Variants in RALGPS1 observed in about 807,000 individuals in gnomAD.
RALGPS1 encodes ras-specific guanine nucleotide-releasing factor RalGPS1.
In RALGPS1, 19 loss-of-function variants were observed where a neutral mutation model predicts 78.8. The observed-to-expected ratio is 0.24, with a 90% CI of 0.17 to 0.35. RALGPS1 has a LOEUF of 0.35. Ranked by LOEUF, RALGPS1 falls within the 10% of genes least tolerant of loss-of-function variation. The probability of loss-of-function intolerance (pLI) is 1.00; values close to 1 mark genes in which losing one functional copy is unlikely to be tolerated. For synonymous variants in RALGPS1, 228 were observed against 256.3 expected, an observed-to-expected ratio of 0.89 and a Z score of 1.06; for missense variants, 454 against 688.3, an observed-to-expected ratio of 0.66 and a Z score of 3.81.
chr9:127,197,650 C>T (rs914737637), intron 13 of RALGPS1, among the ~76,000 whole-genome samples: 24 of 152,220 alleles, frequency 1.6e-4, no homozygotes, highest in African/African-American at 5.3e-4. Context: ...TGTTCTGTGT[C>T]TGCCTCTGTC....
At chr9:127,210,856 G>A (rs1456996884) in intron 14 of RALGPS1, 2 of 1,261,680 alleles carry the variant, frequency 1.6e-6, no homozygotes, top group Non-Finnish European at 2.2e-6. Context: ...CACTGTGCTA[G>A]AGGCTGCCGA....
At chr9:126,958,677 T>C (rs1447465974) in intron 1 of RALGPS1, among the ~76,000 whole-genome samples, 2 of 152,176 alleles carry the variant, frequency 1.3e-5, no homozygotes, top group African/African-American at 4.8e-5. Flanking sequence ...GTGATAAACA[T>C]TTGGAGGGTT....
rs1312848930 is a variant in RALGPS1 at position 127,116,067 on chromosome 9, T to G, written c.610+46711T>G. On this transcript the variant is annotated intron_variant, in intron 8 of 18. Coordinates refer to ENST00000259351, the MANE Select transcript of RALGPS1 (RefSeq NM_014636.3). ...ATTGAATGAACCATTTATCCATCCATCCAGCCCTCCATCACCCACCCATTT... is the reference window on the plus strand; with the variant it reads ...ATTGAATGAACCATTTATCCATCCAGCCAGCCCTCCATCACCCACCCATTT... Among the ~76,000 whole-genome samples, 4 of 152,280 alleles carry G rather than the reference T, an allele frequency of 2.6e-5. No homozygotes were observed. In the South Asian group the frequency reaches 8.3e-4, roughly 32 times the overall value.
chr9:126,973,982 C>G (rs746529577), intron 3 of RALGPS1, among the ~76,000 whole-genome samples: 1 of 152,170 alleles, frequency 6.6e-6, no homozygotes, highest in African/African-American at 2.4e-5. Flanking sequence ...AAGCAATTCT[C>G]TTGCCTCAGC....
chr9:126,941,115 G>C (rs1158175832), intron 1 of RALGPS1, among the ~76,000 whole-genome samples: 1 of 132,850 alleles, frequency 7.5e-6, no homozygotes, highest in Non-Finnish European at 1.6e-5. Flanking sequence ...TTCTCAGTGA[G>C]GACTTCTCAT....
At chr9:127,032,988 A>G (rs2046555637) in intron 4 of RALGPS1, among the ~76,000 whole-genome samples, 2 of 152,254 alleles carry the variant, frequency 1.3e-5, no homozygotes, top group Non-Finnish European at 2.9e-5. Flanking sequence ...AAACCTCTTT[A>G]TTAAAATGGA....
chr9:126,921,925 T>C (rs2119730640), intron 1 of RALGPS1, among the ~76,000 whole-genome samples: 1 of 152,312 alleles, frequency 6.6e-6, no homozygotes, highest in South Asian at 2.1e-4. Context: ...TAATGTATTG[T>C]CTGTGGAAGT....
intron 4 of RALGPS1, among the ~76,000 whole-genome samples, chr9:126,982,277 A>G (rs186559162): frequency 6.6e-6 from 1 of 152,370 alleles, no homozygotes; most frequent in East Asian, 1.9e-4. Context: ...CACAGGCCTC[A>G]GGTCAGAAGG....
rs1383602920 is a variant in RALGPS1, at chr9:127,220,466, T to A, written c.*1697T>A. On this transcript the variant is annotated 3_prime_UTR_variant, in exon 19 of 19. Transcript: ENST00000259351. Reference sequence around the variant, plus strand: ...GCCTTACAATGCTTAGTAGTTCATCTTCTTTTTGAGCAAAGACTAGAATAC... The same window carrying A: ...GCCTTACAATGCTTAGTAGTTCATCATCTTTTTGAGCAAAGACTAGAATAC... The A allele has an allele frequency of 6.6e-6, 1 of 151,408 alleles. No individual in the cohort carries two copies. Among genetic ancestry groups the A allele is most frequent in the East Asian group, 1.9e-4 (1 of 5,202 alleles). 9.4% of individuals were successfully genotyped at this position (151,408 alleles called of 1,614,324 possible).
At chr9:126,974,718 GACTT>G (rs965965120) in intron 3 of RALGPS1, among the ~76,000 whole-genome samples, 1 of 152,104 alleles carries the variant, frequency 6.6e-6, no homozygotes, top group African/African-American at 2.4e-5. Context: ...GCCATTAAGA[GACTT>G]ACGAGTGTTC....
chr9:127,145,254 TGTGGCCTCACA>T (rs1438544803), intron 8 of RALGPS1, among the ~76,000 whole-genome samples: 4 of 152,230 alleles, frequency 2.6e-5, no homozygotes, highest in African/African-American at 9.6e-5. Context: ...ATTATCTCAC[TGTGGCCTCACA>T]GTGGCCCTCC....
At chr9:127,034,590 C>A in intron 5 of RALGPS1, 76 bp downstream of exon 5, 3 of 1,308,834 alleles carry the variant, frequency 2.3e-6, no homozygotes, top group Non-Finnish European at 3.3e-6. Flanking sequence ...AGCCCCCACC[C>A]AAAGCTGTCT....
chr9:126,962,711 GC>G (rs2039018003), intron 2 of RALGPS1, among the ~76,000 whole-genome samples: 1 of 152,180 alleles, frequency 6.6e-6, no homozygotes, highest in Non-Finnish European at 1.5e-5. Flanking sequence ...ATTCCAACTG[GC>G]CCTGGGTTCT....
chr9:127,218,786 G>T lies in RALGPS1; in HGVS notation c.*17G>T, dbSNP rs778193219. 6.2e-7 allele frequency: 1 copy of T among 1,613,244 alleles called. No individual in the cohort carries two copies. Among genetic ancestry groups the T allele is most frequent in the African/African-American group, 1.3e-5 (1 of 75,040 alleles). On this transcript the variant is annotated 3_prime_UTR_variant, in exon 19 of 19. Transcript: ENST00000259351. The surrounding 1 kb of genome is among the most constrained non-coding windows in gnomAD (Gnocchi z 4.4). ...TTTGAGTAAGTCTCTGCAGGACGTG[G>T]CATGACTTCAGAGGCTTCTGGGAAC...
chr9:127,174,829 T>C (rs748098054), intron 11 of RALGPS1, 47 bp downstream of exon 11: 66 of 1,563,512 alleles, frequency 4.2e-5, no homozygotes, highest in Non-Finnish European at 5.1e-5. Flanking sequence ...AATAGCCTAA[T>C]TGTGGCTGCC....
At chr9:126,934,651 C>T (rs2036097414) in intron 1 of RALGPS1, among the ~76,000 whole-genome samples, 1 of 152,164 alleles carries the variant, frequency 6.6e-6, no homozygotes, top group African/African-American at 2.4e-5. Flanking sequence ...TATTGGTTCT[C>T]CTGTCAACGG....
At chr9:127,137,496 G>A (rs1309594945) in intron 8 of RALGPS1, among the ~76,000 whole-genome samples, 1 of 152,230 alleles carries the variant, frequency 6.6e-6, no homozygotes, top group African/African-American at 2.4e-5. Flanking sequence ...TTTGCAGGCA[G>A]CAGGCCGCCA....
intron 2 of RALGPS1, among the ~76,000 whole-genome samples, chr9:126,965,206 G>T (rs1428300485): frequency 6.6e-6 from 1 of 152,172 alleles, no homozygotes; most frequent in Non-Finnish European, 1.5e-5. Flanking sequence ...TTTCACAACA[G>T]CCTCTAAAGC....
chr9:127,116,773 G>A (rs1288559141), intron 8 of RALGPS1, among the ~76,000 whole-genome samples: 1 of 152,218 alleles, frequency 6.6e-6, no homozygotes, highest in African/African-American at 2.4e-5. Flanking sequence ...GTTTGTGTCT[G>A]CCTCACTGAT....
Sources: allele counts gnomAD v4.1 joint callset (sites outside exome capture counted in the v4.1 genomes callset), GRCh38; gene constraint gnomAD v4.1.1; non-coding constraint Gnocchi (gnomAD v3.1); transcripts MANE v1.5; gene names NCBI Gene and HGNC (gene_info 2026-07-23, HGNC 2026-07-21).